AXL: variants seen among roughly 807,000 people sequenced by gnomAD.
AXL encodes the protein AXL receptor tyrosine kinase.
AXL carries 52 observed loss-of-function variants against 104.5 expected under a neutral mutation model. The ratio of observed to expected loss-of-function variants is 0.50; its 90% CI spans 0.40 to 0.63. The LOEUF is 0.63. Ranked by LOEUF, AXL falls within the 20% of genes least tolerant of loss-of-function variation. The pLI is 0.00. For synonymous variants in AXL, 455 were observed against 473.7 expected (o/e 0.96, Z 0.51); for missense variants, 1,024 against 1,188.5 (o/e 0.86, Z 2.04).
At chr19:41,222,118 A>T in intron 4 of AXL, 62 bp downstream of exon 4, 2 of 1,428,684 alleles carry the variant, frequency 1.4e-6, no homozygotes, top group Non-Finnish European at 1.8e-6. Context: ...AGTCAGGAGC[A>T]AGGGAACATT....
rs1191997690 is a variant in AXL at position 41,219,250 on chromosome 19, T to G, written c.-143T>G. 4 of 737,322 alleles carry G rather than the reference T, an allele frequency of 5.4e-6. No individual in the cohort carries two copies. The highest frequency in any genetic ancestry group is 5.4e-5 in the African/African-American group (3 of 55,884). 45.7% of individuals were successfully genotyped at this position (737,322 alleles called of 1,614,324 possible). The stretch of plus-strand genomic sequence containing the variant: ...GAAGGCGGCTGCTGGGCAGAGCCGG[T>G]GGCAAGGGCCTCCCCTGCCGCTGTG... On this transcript the variant is annotated 5_prime_UTR_variant, in exon 1 of 20. Transcript: ENST00000301178.
intron 4 of AXL, among the ~76,000 whole-genome samples, chr19:41,225,387 G>A (rs2033861853): frequency 6.6e-6 from 1 of 152,194 alleles, no homozygotes; most frequent in African/African-American, 2.4e-5. Flanking sequence ...GTAGATGGAG[G>A]CTTGGCTGTG....
At chr19:41,224,968 C>G (rs1160334749) in intron 4 of AXL, among the ~76,000 whole-genome samples, 1 of 152,148 alleles carries the variant, frequency 6.6e-6, no homozygotes, top group East Asian at 1.9e-4. Flanking sequence ...GTGTCTGCAT[C>G]AGGCCTGCGC....
chr19:41,233,770 A>T (rs1378735297), intron 6 of AXL, among the ~76,000 whole-genome samples: 1 of 150,846 alleles, frequency 6.6e-6, no homozygotes, highest in South Asian at 2.1e-4. Flanking sequence ...GCCGAAGCTG[A>T]GATTCAATCC....
intron 11 of AXL, 138 bp from the exon 12 acceptor site, chr19:41,243,478 G>GC: frequency 5.4e-6 from 4 of 745,886 alleles, no homozygotes; most frequent in Non-Finnish European, 9.7e-6. Flanking sequence ...GAAGGTAGCT[G>GC]CCCAAGGCAT....
intron 10 of AXL, among the ~76,000 whole-genome samples, chr19:41,241,466 C>A (rs2034178857): frequency 6.7e-6 from 1 of 149,280 alleles, no homozygotes; most frequent in Non-Finnish European, 1.5e-5. Context: ...ATTGCTTGAA[C>A]CTGGGAGGCG....
At chr19:41,239,417 C>T in intron 9 of AXL, 103 bp downstream of exon 9, 1 of 1,475,880 alleles carries the variant, frequency 6.8e-7, no homozygotes, top group Non-Finnish European at 9.1e-7. Flanking sequence ...AGGCCCTGTT[C>T]CTACCCTGAG....
At chr19:41,229,316 T>A (rs1171460812) in intron 4 of AXL, among the ~76,000 whole-genome samples, 5 of 151,952 alleles carry the variant, frequency 3.3e-5, no homozygotes, top group African/African-American at 4.8e-5. Flanking sequence ...CAGGTTGGAG[T>A]GCAGTGGTGT....
intron 15 of AXL, 151 bp downstream of exon 15, chr19:41,252,594 C>T (rs1471754580): frequency 1.0e-5 from 11 of 1,083,028 alleles, no homozygotes; most frequent in Non-Finnish European, 1.5e-5. Context: ...CCTAGTCTCC[C>T]TCAGCTTGGA....
chr19:41,224,788 C>CTG (rs56885806), intron 4 of AXL, among the ~76,000 whole-genome samples: 33,526 of 149,942 alleles, frequency 0.22, 3,935 homozygotes, highest in South Asian at 0.43. Context: ...AGTCACAGAC[C>CTG]TGTGTGTGTG....
chr19:41,238,096 C>T lies in AXL; in HGVS notation c.936C>T (p.Thr312=). 10 of 1,614,096 alleles carry T rather than the reference C, an allele frequency of 6.2e-6. No individual in the cohort carries two copies. Among genetic ancestry groups the T allele is most frequent in the Non-Finnish European group, 7.6e-6 (9 of 1,179,996 alleles). The part of the protein sequence containing the change: ...HTPYHIRVAC[T]SSQGPSSWTH... ...CTTATCACATCCGCGTGGCATGCAC[C>T]AGCAGCCAGGGCCCCTCATCCTGGA... is the stretch of plus-strand genomic sequence containing the variant. The change falls in exon 7 of 20, where the codon ACC becomes ACT. Residue 312 remains threonine (T), a synonymous_variant. Transcript: ENST00000301178.
chr19:41,248,444 A>G lies in AXL; in HGVS notation c.1538-70A>G, dbSNP rs988946103. 6 of 1,407,996 alleles carry G rather than the reference A, an allele frequency of 4.3e-6. No individual in the cohort carries two copies. In the African/African-American group the frequency reaches 8.5e-5, roughly 20 times the overall value. 87.2% of individuals were successfully genotyped at this position (1,407,996 alleles called of 1,614,324 possible). A position where few individuals can be genotyped will look rare whatever the true frequency, so the allele number is the denominator to read the frequency against. On this transcript the variant is annotated intron_variant, in intron 12 of 19. Coordinates refer to ENST00000301178, the MANE Select transcript of AXL (RefSeq NM_021913.5). ...GTGTTTCAACAATGGATCTATCCCT[A>G]CTGGTGGGTGAATGTCACCTGAATG... is the stretch of plus-strand genomic sequence containing the variant.
At chr19:41,243,994 C>T (rs763629384) in intron 12 of AXL, 2 of 314,102 alleles carry the variant, frequency 6.4e-6, no homozygotes, top group Non-Finnish European at 1.2e-5. Flanking sequence ...TCACTTGAGC[C>T]CAGGAGTTCG....
chr19:41,238,560 G>A lies in AXL; in HGVS notation c.1085G>A (p.Gly362Asp), dbSNP rs2034124726. The change falls in exon 8 of 20, where the codon GGT (glycine) becomes GAT (aspartate). Residue 362 changes from glycine to aspartate, a missense_variant. This residue lies in a region of AXL where 332 missense variants were observed against 343.9 expected (regional missense o/e 0.97). Coordinates refer to ENST00000301178, the MANE Select transcript of AXL (RefSeq NM_021913.5). ...CAAGAGCCCCGGGCGCCCCTGCAGGGTACCCTGTTAGGGTACCGGCTGGCG... is the reference window on the plus strand; with the variant it reads ...CAAGAGCCCCGGGCGCCCCTGCAGGATACCCTGTTAGGGTACCGGCTGGCG... The part of the protein sequence containing the change: ...HWQEPRAPLQ[G>D]TLLGYRLAYQ... 6.2e-7 allele frequency: 1 copy of A among 1,613,798 alleles called. No homozygotes were observed. Among genetic ancestry groups the A allele is most frequent in the Non-Finnish European group, 8.5e-7 (1 of 1,179,818 alleles).
Position 41,260,892 on chromosome 19 carries a change from T to G in AXL, c.*988T>G, listed in dbSNP as rs2034530132. On this transcript the variant is annotated 3_prime_UTR_variant, in exon 20 of 20. Transcript: ENST00000301178. ...GCTCTGAGAGTCTAGATTCTCTGGC[T>G]GTAAGGCTCTAGATCATAAGGCTTC... 6.6e-6 allele frequency: 1 copy of G among 152,196 alleles called. No homozygotes were observed. The allele number at this position is 152,196 out of a possible 1,614,324, so 9.4% of individuals were successfully genotyped here.
Position 41,219,346 on chromosome 19 carries a change from C to T in AXL, c.-47C>T. 2 of 1,539,570 alleles carry T rather than the reference C, an allele frequency of 1.3e-6. No homozygotes were observed. Among genetic ancestry groups the T allele is most frequent in the South Asian group, 1.2e-5 (1 of 83,530 alleles). The stretch of plus-strand genomic sequence containing the variant: ...GGCCGGGGACAGCCCGGCCCTGCCC[C>T]CTCCCCCGCTGGGAGCCCAACAACT... On this transcript the variant is annotated 5_prime_UTR_variant, in exon 1 of 20. Coordinates refer to ENST00000301178, the MANE Select transcript of AXL (RefSeq NM_021913.5).
intron 14 of AXL, among the ~76,000 whole-genome samples, chr19:41,252,002 A>G (rs965676066): frequency 6.6e-4 from 99 of 151,124 alleles, no homozygotes; most frequent in African/African-American, 2.3e-3. Context: ...AGTCCCAGCT[A>G]CTCAGGAGGC....
chr19:41,222,306 G>T (rs899530133), intron 4 of AXL, among the ~76,000 whole-genome samples: 1 of 151,756 alleles, frequency 6.6e-6, no homozygotes, highest in African/African-American at 2.4e-5. Flanking sequence ...CTTTGTATGT[G>T]TCTCTCTCTC....
intron 4 of AXL, among the ~76,000 whole-genome samples, chr19:41,226,222 CG>C (rs1239777872): frequency 6.6e-6 from 1 of 152,100 alleles, no homozygotes. Flanking sequence ...ATGCTGCGGT[CG>C]GAACGGGACC....
Sources: allele counts gnomAD v4.1 joint callset (sites outside exome capture counted in the v4.1 genomes callset), GRCh38; gene constraint gnomAD v4.1.1; regional missense constraint gnomAD v4.1.1; transcripts MANE v1.5; gene names NCBI Gene and HGNC (gene_info 2026-07-23, HGNC 2026-07-21).